Variants in ACACB observed in about 807,000 individuals in gnomAD.
ACACB encodes the protein acetyl-CoA carboxylase 2.
In ACACB, 209 loss-of-function variants were observed where a neutral mutation model predicts 278.8. The observed-to-expected ratio is 0.75, with a 90% CI of 0.67 to 0.84. The LOEUF is 0.84. Ranked by LOEUF, ACACB falls within the 40% of genes least tolerant of loss-of-function variation. The probability of loss-of-function intolerance (pLI) is 0.00; values close to 1 mark genes in which losing one functional copy is unlikely to be tolerated. For synonymous variants in ACACB, 1,174 were observed against 1,285.6 expected (o/e 0.91, Z 1.86); for missense variants, 2,850 against 3,269.0 (o/e 0.87, Z 3.13).
chr12:109,251,350 C>G (rs765736216), intron 41 of ACACB, among the ~76,000 whole-genome samples: 51 of 152,332 alleles, frequency 3.3e-4, no homozygotes, highest in Non-Finnish European at 6.8e-4. Flanking sequence ...ACTACCTACT[C>G]TAACAGCAGC....
At chr12:109,142,124 C>T (rs2043137799) in intron 2 of ACACB, among the ~76,000 whole-genome samples, 1 of 151,974 alleles carries the variant, frequency 6.6e-6, no homozygotes, top group Admixed American at 6.6e-5. Context: ...TGGTGCATAC[C>T]TATAGTTCTA....
In ACACB at chr12:109,158,380, TTC is replaced by T. The variant is rs1430404847; in HGVS notation, c.654-8480_654-8479del. Among the ~76,000 whole-genome samples the T allele has an allele frequency of 9.9e-5, 14 of 141,816 alleles. 1 individual carries two copies. The highest frequency in any genetic ancestry group is 8.4e-4 in the Admixed American group (12 of 14,248). 93.0% of individuals were successfully genotyped at this position (141,816 alleles called of 152,430 possible). The stretch of plus-strand genomic sequence containing the variant: ...GGATTCTTTTGATTTTTTTTTTTTT[TTC>T]GATGACTTAAAAATGTTGGCTGGGC... On this transcript the variant is annotated intron_variant, in intron 2 of 52. Transcript: ENST00000338432.
In ACACB at chr12:109,237,245, T is replaced by C. The variant is rs750146322; in HGVS notation, c.4527T>C (p.Asp1509=). The change falls in exon 34 of 53, where the codon GAT becomes GAC. Residue 1509 remains aspartate, a synonymous_variant. Coordinates refer to ENST00000338432, the MANE Select transcript of ACACB (RefSeq NM_001093.4). ...AACTTAACCGGATGCGTAACTTCGA[T>C]CTGACCGCCGTGCCCTGTGCCAACC... ...QLELNRMRNF[D]LTAVPCANHK... The C allele has an allele frequency of 1.2e-6, 2 of 1,614,178 alleles. No homozygotes were observed. The highest frequency in any genetic ancestry group is 1.7e-6 in the Non-Finnish European group (2 of 1,180,040).
intron 37 of ACACB, among the ~76,000 whole-genome samples, chr12:109,245,415 A>G (rs2046912338): frequency 6.6e-6 from 1 of 152,216 alleles, no homozygotes; most frequent in Non-Finnish European, 1.5e-5. Flanking sequence ...TTTCTTTCAA[A>G]AACTTTAAAC....
At position 109,139,601 on chromosome 12, in the gene ACACB, A is replaced by G. The variant is rs1593385776; in HGVS notation, c.196A>G (p.Thr66Ala). 6.2e-7 allele frequency: 1 copy of G among 1,613,754 alleles called. No homozygotes were observed. The highest frequency in any genetic ancestry group is 1.3e-5 in the African/African-American group (1 of 74,792). The change falls in exon 2 of 53, where the codon ACT (threonine) becomes GCT (alanine). Residue 66 changes from threonine (T) to alanine (A), a missense_variant. Thr to Ala is a moderately conservative substitution (Grantham distance 58). Coordinates refer to ENST00000338432, the MANE Select transcript of ACACB (RefSeq NM_001093.4). ...ACCGCAGAGAAATGGGGAGGGCCAC[A>G]CTCTGCCCAAGACACCCAGCCAGGC... ...ETPQRNGEGHTLPKTPSQAEP... is the reference protein window; with the variant it reads ...ETPQRNGEGHALPKTPSQAEP...
intron 2 of ACACB, among the ~76,000 whole-genome samples, chr12:109,160,217 GC>G (rs1166834404): frequency 6.6e-6 from 1 of 152,134 alleles, no homozygotes; most frequent in African/African-American, 2.4e-5. Context: ...TAATAGAGGG[GC>G]TTCCATTTAT....
upstream of ACACB, chr12:109,116,508 T>A (rs1287494400): frequency 6.6e-6 from 1 of 152,276 alleles, no homozygotes; most frequent in Non-Finnish European, 1.5e-5. Context: ...GGGTTGTTGC[T>A]GCTTTGAAGG....
chr12:109,176,911 C>G (rs1364789122), intron 9 of ACACB, among the ~76,000 whole-genome samples: 1 of 152,196 alleles, frequency 6.6e-6, no homozygotes, highest in Non-Finnish European at 1.5e-5. Context: ...TCCGCTGCGC[C>G]CTGCCTGATC....
At chr12:109,164,601 A>G (rs1426840472) in intron 2 of ACACB, among the ~76,000 whole-genome samples, 1 of 151,904 alleles carries the variant, frequency 6.6e-6, no homozygotes, top group African/African-American at 2.4e-5. Flanking sequence ...CTGAAGTGCA[A>G]TGGTGCAATC....
chr12:109,192,654 A>T (rs11836009), intron 15 of ACACB, among the ~76,000 whole-genome samples: 21 of 151,922 alleles, frequency 1.4e-4, no homozygotes, highest in African/African-American at 4.6e-4. Flanking sequence ...AAAAGGATAA[A>T]CTTTTTTTTT....
chr12:109,125,694 A>G (rs2042663280), intron 1 of ACACB: 1 of 152,206 alleles, frequency 6.6e-6, no homozygotes, highest in Non-Finnish European at 1.5e-5. Flanking sequence ...TTAAACTCCA[A>G]AACTGTATGA....
chr12:109,150,318 G>A (rs916622314), intron 2 of ACACB, among the ~76,000 whole-genome samples: 1 of 152,156 alleles, frequency 6.6e-6, no homozygotes, highest in Non-Finnish European at 1.5e-5. Flanking sequence ...TTAGTTGGGT[G>A]GGCTTCTTCC....
Position 109,256,032 on chromosome 12 carries a change from G to A in ACACB, c.6167-108G>A. ...AGGTAGAAAGGGGTATCTGGGCTATGAGGTTAAAGCCAGGCTGTCCTTAGG... is the reference window on the plus strand; with the variant it reads ...AGGTAGAAAGGGGTATCTGGGCTATAAGGTTAAAGCCAGGCTGTCCTTAGG... On this transcript the variant is annotated intron_variant, in intron 44 of 52. Transcript: ENST00000338432. The A allele has an allele frequency of 5.3e-6, 4 of 755,558 alleles. No homozygotes were observed. In the East Asian group the frequency reaches 8.0e-5, roughly 15 times the overall value. 46.8% of individuals were successfully genotyped at this position (755,558 alleles called of 1,614,324 possible).
chr12:109,139,883 C>T lies in ACACB; in HGVS notation c.478C>T (p.Gln160Ter), dbSNP rs1274313088. Residue 160 changes from glutamine (Q) to a stop codon, truncating the protein, a stop_gained, in exon 2 of 53, where the codon CAG becomes TAG. Coordinates refer to ENST00000338432, the MANE Select transcript of ACACB (RefSeq NM_001093.4). LOFTEE classifies it high-confidence loss of function. ...EDKKQANIKRQLMTNFILGSF... is the reference protein window; with the variant it reads ...EDKKQANIKR ...CAAGAAGCAGGCAAACATCAAGAGG[C>T]AGCTGATGACCAACTTCATCCTGGG... 1 of 1,614,210 alleles carries T rather than the reference C, an allele frequency of 6.2e-7. No homozygotes were observed. The highest frequency in any genetic ancestry group is 1.7e-5 in the Admixed American group (1 of 60,026).
chr12:109,184,398 A>G (rs1037410943), intron 11 of ACACB, among the ~76,000 whole-genome samples: 1 of 152,178 alleles, frequency 6.6e-6, no homozygotes, highest in African/African-American at 2.4e-5. Flanking sequence ...CCTTCGTAAC[A>G]TATGGCCTCT....
chr12:109,176,921 C>G (rs2044302148), intron 9 of ACACB, among the ~76,000 whole-genome samples: 1 of 152,182 alleles, frequency 6.6e-6, no homozygotes, highest in Non-Finnish European at 1.5e-5. Context: ...CCTGCCTGAT[C>G]AATTTTAACT....
intron 2 of ACACB, among the ~76,000 whole-genome samples, chr12:109,157,803 C>T (rs1172892469): frequency 1.3e-5 from 2 of 152,080 alleles, no homozygotes; most frequent in Admixed American, 1.3e-4. Flanking sequence ...GGCATGAGAA[C>T]GGGGTCACAG....
chr12:109,215,392 T>C (rs1049864205), intron 22 of ACACB, among the ~76,000 whole-genome samples: 12 of 151,992 alleles, frequency 7.9e-5, no homozygotes, highest in African/African-American at 2.4e-4. Context: ...GGCAGGGCAG[T>C]GTTCTTTTTG....
rs749483265 is a variant in ACACB at position 109,185,754 on chromosome 12, G to A, written c.1980+14G>A. On this transcript the variant is annotated intron_variant, in intron 12 of 52. Coordinates refer to ENST00000338432, the MANE Select transcript of ACACB (RefSeq NM_001093.4). ...AACCCAGACGAGGCAAGTTATGGGG[G>A]CCCCTGTGTTTCCACCATCTCAGAT... The A allele has an allele frequency of 6.3e-7, 1 of 1,599,970 alleles. No homozygotes were observed. Among genetic ancestry groups the A allele is most frequent in the Admixed American group, 1.7e-5 (1 of 58,226 alleles).
Sources: allele counts gnomAD v4.1 joint callset (sites outside exome capture counted in the v4.1 genomes callset), GRCh38; gene constraint gnomAD v4.1.1; transcripts MANE v1.5; gene names NCBI Gene and HGNC (gene_info 2026-07-23, HGNC 2026-07-21).